Variants in EPM2A observed in about 807,000 individuals in gnomAD.
EPM2A encodes laforin.
EPM2A carries 21 observed loss-of-function variants against 26.5 expected under a neutral mutation model. That is an observed-to-expected ratio of 0.79 (90% CI 0.56 to 1.14). The LOEUF (loss-of-function observed/expected upper bound fraction) is 1.14, where lower values mean the gene tolerates loss of function less well. EPM2A is among the 50% of genes most tolerant of loss of function. The pLI, the probability that EPM2A is intolerant of heterozygous loss-of-function variation, is 0.00. For synonymous variants in EPM2A, 217 were observed against 177.6 expected (o/e 1.22, Z -1.76); for missense variants, 458 against 440.8 (o/e 1.04, Z -0.35).
intron 4 of EPM2A, among the ~76,000 whole-genome samples, chr6:145,434,307 G>T (rs1778961358): frequency 6.7e-6 from 1 of 149,404 alleles, no homozygotes; most frequent in Non-Finnish European, 1.5e-5. Context: ...GTCACTCTGG[G>T]TAGAGTACAC....
intron 2 of EPM2A, among the ~76,000 whole-genome samples, chr6:145,517,859 T>C (rs1364387322): frequency 2.6e-5 from 4 of 152,092 alleles, no homozygotes; most frequent in Admixed American, 2.0e-4. Flanking sequence ...TCCAATAATA[T>C]CACGTGCTAC....
chr6:145,598,730 T>C (rs1781380606), intron 2 of EPM2A, among the ~76,000 whole-genome samples: 1 of 152,184 alleles, frequency 6.6e-6, no homozygotes, highest in African/African-American at 2.4e-5. Context: ...CAGGATTTTA[T>C]AATTTTGGCT....
At position 145,625,839 on chromosome 6, in the gene EPM2A, G is replaced by C; in HGVS notation, c.*1577C>G. 1.9e-6 allele frequency: 3 copies of C among 1,546,492 alleles called. No individual in the cohort carries two copies. The highest frequency in any genetic ancestry group is 1.7e-4 in the Middle Eastern group (1 of 5,980). On this transcript the variant is annotated 3_prime_UTR_variant, in exon 4 of 4. Coordinates refer to ENST00000367519, the MANE Select transcript of EPM2A (RefSeq NM_005670.4). ...CTTGTCCCCCACGCCTTCTAAATAA[G>C]AGTCTCTTGCATCTATCAATATGTG...
chr6:145,407,163 G>T (rs989388130), intron 4 of EPM2A, among the ~76,000 whole-genome samples: 1 of 152,048 alleles, frequency 6.6e-6, no homozygotes, highest in Admixed American at 6.6e-5. Context: ...CACTGTGATT[G>T]GTACAGATGA....
At chr6:145,672,680 AC>A (rs1779736138) in intron 2 of EPM2A, among the ~76,000 whole-genome samples, 2 of 152,362 alleles carry the variant, frequency 1.3e-5, no homozygotes, top group South Asian at 4.1e-4. Context: ...AAGTCTCTGG[AC>A]TGGGGGAACC....
chr6:145,690,435 G>A (rs945751025), intron 1 of EPM2A, among the ~76,000 whole-genome samples: 111 of 149,324 alleles, frequency 7.4e-4, no homozygotes, highest in Admixed American at 1.5e-3. Context: ...GCGTGAACCC[G>A]GGAAGCGGAG....
At chr6:145,385,956 T>C (rs541348579) in intron 4 of EPM2A, among the ~76,000 whole-genome samples, 2 of 152,258 alleles carry the variant, frequency 1.3e-5, no homozygotes, top group South Asian at 2.1e-4. Context: ...TTCAGACTCA[T>C]GTAAACAAAA....
chr6:145,472,276 T>C (rs111722502), intron 4 of EPM2A, among the ~76,000 whole-genome samples: 2 of 151,766 alleles, frequency 1.3e-5, no homozygotes, highest in Non-Finnish European at 2.9e-5. Context: ...GGGTCCTACA[T>C]GGAGGGCCCT....
At chr6:145,405,437 A>G (rs1778553771) in intron 4 of EPM2A, among the ~76,000 whole-genome samples, 1 of 152,114 alleles carries the variant, frequency 6.6e-6, no homozygotes, top group Admixed American at 6.6e-5. Context: ...CTATAAGTAC[A>G]TGAATGACAC....
At chr6:145,485,073 A>G (rs1047903650) in intron 4 of EPM2A, among the ~76,000 whole-genome samples, 2 of 151,372 alleles carry the variant, frequency 1.3e-5, no homozygotes, top group East Asian at 3.9e-4. Flanking sequence ...TCTCTCCCAC[A>G]TGCTAAGGTA....
rs1779465485 is a variant in EPM2A at position 145,470,958 on chromosome 6, T to C, written c.555+31564A>G. Reference sequence around the variant, plus strand: ...TTAGCTCTTCTAGGCTGGGACCATATGTATTGACTCCAAGTTTTGGGTAGG... The same window carrying C: ...TTAGCTCTTCTAGGCTGGGACCATACGTATTGACTCCAAGTTTTGGGTAGG... On this transcript the variant is annotated intron_variant, in intron 4 of 4. Transcript: ENST00000638717. 2.0e-5 allele frequency among the ~76,000 whole-genome samples: 3 copies of C among 152,298 alleles called. No individual in the cohort carries two copies. In the South Asian group the frequency reaches 6.2e-4, roughly 32 times the overall value.
At chr6:145,679,880 T>C (rs921853373) in intron 2 of EPM2A, among the ~76,000 whole-genome samples, 7 of 152,154 alleles carry the variant, frequency 4.6e-5, no homozygotes, top group Admixed American at 3.9e-4. Flanking sequence ...AGCATTTACA[T>C]AGGCATACGA....
chr6:145,645,061 C>T (rs1186865387), intron 2 of EPM2A, among the ~76,000 whole-genome samples: 1 of 152,224 alleles, frequency 6.6e-6, no homozygotes, highest in Admixed American at 6.5e-5. Flanking sequence ...CTCTAATCGT[C>T]ATGAGTGCAT....
At chr6:145,578,858 CAGG>C (rs1427799454) in intron 2 of EPM2A, among the ~76,000 whole-genome samples, 1 of 152,098 alleles carries the variant, frequency 6.6e-6, no homozygotes, top group African/African-American at 2.4e-5. Flanking sequence ...CAGGCAAAAG[CAGG>C]AGAAGAAGGG....
At chr6:145,457,322 G>T (rs1779273670) in intron 4 of EPM2A, among the ~76,000 whole-genome samples, 1 of 151,408 alleles carries the variant, frequency 6.6e-6, no homozygotes, top group Non-Finnish European at 1.5e-5. Flanking sequence ...CTTCTGTACT[G>T]AAAAAACAAA....
At chr6:145,734,956 G>C in intron 1 of EPM2A, 1 of 288,284 alleles carries the variant, frequency 3.5e-6, no homozygotes. Flanking sequence ...GCGGGAAGGC[G>C]GCCGGGAGCG....
At chr6:145,677,565 A>G (rs1780155923) in intron 2 of EPM2A, among the ~76,000 whole-genome samples, 1 of 152,218 alleles carries the variant, frequency 6.6e-6, no homozygotes, top group Non-Finnish European at 1.5e-5. Context: ...CCTTAAGCTG[A>G]TACACAACTT....
downstream of EPM2A, among the ~76,000 whole-genome samples, chr6:145,496,846 T>C (rs1433947894): frequency 6.6e-6 from 1 of 151,326 alleles, no homozygotes; most frequent in African/African-American, 2.4e-5. Flanking sequence ...CACGCCATTC[T>C]CCTGCCTCAG....
rs369041816 is a variant in EPM2A, at chr6:145,714,726, G to A, written c.301+20472C>T. On this transcript the variant is annotated intron_variant, in intron 1 of 3. Coordinates refer to ENST00000367519, the MANE Select transcript of EPM2A (RefSeq NM_005670.4). ...TTACATGGATGACAGCAGGCAAAGA[G>A]AGAGAGATCTTGTGCAGGGAAACTC... Among the ~76,000 whole-genome samples, 14 of 152,330 alleles carry A rather than the reference G, an allele frequency of 9.2e-5. No homozygotes were observed. The East Asian group carries it at 2.1e-3, about 23-fold the overall frequency.
Sources: allele counts gnomAD v4.1 joint callset (sites outside exome capture counted in the v4.1 genomes callset), GRCh38; gene constraint gnomAD v4.1.1; transcripts MANE v1.5; gene names NCBI Gene and HGNC (gene_info 2026-07-23, HGNC 2026-07-21).